CNTNAP3: variants seen among roughly 807,000 people sequenced by gnomAD.
The protein encoded by CNTNAP3 is contactin associated protein family member 3.
A neutral mutation model predicts 92.1 loss-of-function variants in CNTNAP3; 36 were observed. The ratio of observed to expected loss-of-function variants is 0.39; its 90% CI spans 0.30 to 0.52. CNTNAP3 has a LOEUF of 0.52. Ranked by LOEUF, CNTNAP3 falls within the 20% of genes least tolerant of loss-of-function variation. The pLI is 0.76. For missense variants in CNTNAP3, 534 were observed against 1,069.6 expected (o/e 0.50, Z 6.98); for synonymous variants, 232 against 422.3 (o/e 0.55, Z 5.53).
chr9:39,113,695 T>C (rs1433061318), intron 14 of CNTNAP3, among the ~76,000 whole-genome samples: 3 of 152,070 alleles, frequency 2.0e-5, no homozygotes. Context: ...GTTAAGAATA[T>C]AGTTTCCATC....
In CNTNAP3 at chr9:39,109,175, G is replaced by A. The variant is rs765643846; in HGVS notation, c.2350C>T (p.Leu784Phe). Residue 784 changes from leucine to phenylalanine, a missense_variant, in exon 15 of 24, where the codon CTC (leucine) becomes TTC (phenylalanine). Leu to Phe is a conservative substitution (Grantham distance 22, BLOSUM62 0). Transcript: ENST00000297668. ...SEAAYTLGPL[L>F]CRGDQSFWNS... ...CACTACTTACGATCTCCGCGGCAGA[G>A]CAGTGGCCCCAGTGTATAAGCTGCT... 1.4e-5 allele frequency: 23 copies of A among 1,612,866 alleles called. No individual in the cohort carries two copies. The highest frequency in any genetic ancestry group is 1.9e-5 in the Non-Finnish European group (23 of 1,179,770).
chr9:39,140,297 T>A (rs72721586), intron 12 of CNTNAP3, among the ~76,000 whole-genome samples: 3,219 of 152,098 alleles, frequency 0.021, 91 homozygotes, highest in Non-Finnish European at 0.024. Flanking sequence ...GTGTAGGAGC[T>A]AGAGAGATGC....
rs1825524455 is a variant in CNTNAP3, at chr9:39,067,078, C to G, written c.*6812G>C. ...GTCTCTGTTTCATTTTGGATGCTTT[C>G]TACTGCTATATATATTCAAGTTTAT... On this transcript the variant is annotated 3_prime_UTR_variant, in exon 24 of 24. Coordinates refer to ENST00000297668, the MANE Select transcript of CNTNAP3 (RefSeq NM_033655.5). Among the ~76,000 whole-genome samples, 2 of 152,266 alleles carry G rather than the reference C, an allele frequency of 1.3e-5. No individual in the cohort carries two copies. Among genetic ancestry groups the G allele is most frequent in the Non-Finnish European group, 2.9e-5 (2 of 68,048 alleles).
At chr9:39,085,975 T>C (rs939033178) in intron 20 of CNTNAP3, 152 bp from the exon 21 acceptor site, 4 of 773,324 alleles carry the variant, frequency 5.2e-6, no homozygotes, top group Non-Finnish European at 4.3e-6. Context: ...TAATTAATCA[T>C]TTAGAAAGAG....
At chr9:39,226,930 GTATATGTGTGTA>G (rs1159067862) in intron 3 of CNTNAP3, among the ~76,000 whole-genome samples, 2,366 of 7,868 alleles carry the variant, frequency 0.3, 1,043 homozygotes, top group Middle Eastern at 0.4. Flanking sequence ...TGGTGTGTAT[GTATATGTGTGTA>G]TATATATATA....
At chr9:39,110,501 A>ACT (rs1826719506) in intron 14 of CNTNAP3, among the ~76,000 whole-genome samples, 1 of 152,188 alleles carries the variant, frequency 6.6e-6, no homozygotes, top group Non-Finnish European at 1.5e-5. Context: ...AATATATTTT[A>ACT]GTCTCTGCCT....
At chr9:39,117,945 T>C in intron 14 of CNTNAP3, 158 bp downstream of exon 14, 1 of 1,353,560 alleles carries the variant, frequency 7.4e-7, no homozygotes, top group Non-Finnish European at 1.0e-6. Context: ...AATTTAATCC[T>C]TAGATTAACT....
At chr9:39,120,634 C>A (rs1484802434) in intron 13 of CNTNAP3, among the ~76,000 whole-genome samples, 1 of 152,164 alleles carries the variant, frequency 6.6e-6, no homozygotes, top group Admixed American at 6.5e-5. Context: ...TGTGCCACTG[C>A]ACTCCAACCT....
Position 39,149,851 on chromosome 9 carries a change from C to T in CNTNAP3, c.1604G>A (p.Gly535Glu). The change falls in exon 10 of 24, where the codon GGG becomes GAG. Residue 535 changes from glycine to glutamate, a missense_variant. By Grantham distance (98) the Gly-to-Glu change is moderately conservative (BLOSUM62 -2). Transcript: ENST00000297668. ...GTCTATCTGGAGGTCCCTGAAACTC[C>T]CCAGCGCCCCCTGCTGTACTAAGAT... ...DPILVQQGAL[G>E]SFRDLQIDSC... 1.2e-6 allele frequency: 2 copies of T among 1,603,138 alleles called. No individual in the cohort carries two copies. The highest frequency in any genetic ancestry group is 1.3e-5 in the African/African-American group (1 of 74,298).
At chr9:39,092,430 G>A (rs987857868) in intron 18 of CNTNAP3, among the ~76,000 whole-genome samples, 2 of 134,776 alleles carry the variant, frequency 1.5e-5, no homozygotes, top group Admixed American at 7.1e-5. Context: ...GTTACTATAT[G>A]TTTTAGTAAT....
intron 19 of CNTNAP3, among the ~76,000 whole-genome samples, chr9:39,087,253 A>T (rs778961610): frequency 1.3e-5 from 2 of 152,254 alleles, no homozygotes; most frequent in African/African-American, 2.4e-5. Context: ...AACTTCTAAT[A>T]AGGCTCATTT....
intron 10 of CNTNAP3, among the ~76,000 whole-genome samples, chr9:39,147,226 T>A (rs762117171): frequency 3.9e-5 from 6 of 152,030 alleles, no homozygotes; most frequent in Non-Finnish European, 7.4e-5. Flanking sequence ...CTTGGGTATA[T>A]CTTTATTAGC....
chr9:39,079,060 G>A, intron 21 of CNTNAP3, 140 bp from the exon 22 acceptor site: 1 of 1,272,274 alleles, frequency 7.9e-7, no homozygotes, highest in South Asian at 1.3e-5. Context: ...CTTCACTCCA[G>A]GAGAGGTCAC....
chr9:39,076,822 G>T (rs1170427918), intron 23 of CNTNAP3, among the ~76,000 whole-genome samples: 2 of 152,290 alleles, frequency 1.3e-5, no homozygotes, highest in East Asian at 3.8e-4. Flanking sequence ...TAAAAAATTA[G>T]CCGTGCGTGG....
intron 13 of CNTNAP3, among the ~76,000 whole-genome samples, chr9:39,124,843 A>C (rs1352767371): frequency 6.6e-6 from 1 of 152,214 alleles, no homozygotes; most frequent in Non-Finnish European, 1.5e-5. Flanking sequence ...ATGATCATTA[A>C]AAAGTCAGGA....
chr9:39,090,593 G>A (rs1826171496), intron 18 of CNTNAP3, among the ~76,000 whole-genome samples: 1 of 152,306 alleles, frequency 6.6e-6, no homozygotes, highest in African/African-American at 2.4e-5. Flanking sequence ...TTAGTCTTAG[G>A]CCAGTTATAT....
intron 14 of CNTNAP3, among the ~76,000 whole-genome samples, chr9:39,114,075 CA>C: frequency 6.7e-6 from 1 of 149,110 alleles, no homozygotes; most frequent in Non-Finnish European, 1.5e-5. Context: ...TATACACACA[CA>C]CATACTTTTT....
At chr9:39,209,536 A>T (rs1457267534) in intron 3 of CNTNAP3, among the ~76,000 whole-genome samples, 2,919 of 34,498 alleles carry the variant, frequency 0.085, no homozygotes, top group East Asian at 0.12. Flanking sequence ...CGAGTTCTGC[A>T]GCCTCCAGCC....
intron 9 of CNTNAP3, among the ~76,000 whole-genome samples, chr9:39,165,293 GCACCAGTGTAA>G (rs1376871472): frequency 2.1e-5 from 1 of 48,412 alleles, no homozygotes; most frequent in East Asian, 4.8e-4. Context: ...TCAATACTTT[GCACCAGTGTAA>G]CACCAATTAT....
Sources: allele counts gnomAD v4.1 joint callset (sites outside exome capture counted in the v4.1 genomes callset), GRCh38; gene constraint gnomAD v4.1.1; transcripts MANE v1.5; gene names NCBI Gene and HGNC (gene_info 2026-07-23, HGNC 2026-07-21).